The following ATIC variants were observed in gnomAD, a reference collection of about 807,000 sequenced individuals.
ATIC encodes bifunctional purine biosynthesis protein ATIC.
Under a neutral mutation model 72.5 loss-of-function variants are expected in ATIC, and 64 were observed. That is an observed-to-expected ratio of 0.88 (90% CI 0.72 to 1.09). The LOEUF (loss-of-function observed/expected upper bound fraction) is 1.09, where lower values mean the gene tolerates loss of function less well. ATIC is among the 50% of genes least tolerant of loss of function. The pLI, the probability that ATIC is intolerant of heterozygous loss-of-function variation, is 0.00. For missense variants in ATIC, 787 were observed against 732.4 expected (o/e 1.07, Z -0.86); for synonymous variants, 281 against 267.1 (o/e 1.05, Z -0.51).
chr2:215,365,478 C>T, the ATIC span: 1 of 1,611,254 alleles, frequency 6.2e-7, no homozygotes, highest in East Asian at 2.2e-5. Flanking sequence ...CTTAATAAGG[C>T]ACTAAAAATG....
At chr2:215,351,307 G>T (rs1167924009), downstream of ATIC, among the ~76,000 whole-genome samples, 1 of 152,202 alleles carries the variant, frequency 6.6e-6, no homozygotes, top group Non-Finnish European at 1.5e-5. Flanking sequence ...TTGAATTCCT[G>T]ACCCACAGAT....
the ATIC span, among the ~76,000 whole-genome samples, chr2:215,357,794 A>G: frequency 6.6e-6 from 1 of 151,568 alleles, no homozygotes; most frequent in African/African-American, 2.4e-5. Flanking sequence ...CTGCTTTATC[A>G]GCCTTAATGG....
At chr2:215,350,936 A>G (rs1036749930), downstream of ATIC, among the ~76,000 whole-genome samples, 1 of 152,166 alleles carries the variant, frequency 6.6e-6, no homozygotes, top group African/African-American at 2.4e-5. Context: ...CTTAATGGTC[A>G]TCTTTCTAAG....
the ATIC span, among the ~76,000 whole-genome samples, chr2:215,355,585 C>G: frequency 4.6e-5 from 7 of 152,152 alleles, no homozygotes; most frequent in African/African-American, 7.2e-5. Flanking sequence ...TCTTTAAGCT[C>G]GCAGTGCTTT....
At chr2:215,352,708 C>T (rs1385003349), downstream of ATIC, among the ~76,000 whole-genome samples, 1 of 152,078 alleles carries the variant, frequency 6.6e-6, no homozygotes, top group Non-Finnish European at 1.5e-5. Context: ...ACCTTTAGAT[C>T]TCTCCCAATG....
Position 215,318,177 on chromosome 2 carries a change from G to A in ATIC, c.167G>A (p.Gly56Glu). The A allele has an allele frequency of 4.3e-6, 7 of 1,614,112 alleles. No individual in the cohort carries two copies. Among genetic ancestry groups the A allele is most frequent in the African/African-American group, 1.3e-5 (1 of 75,048 alleles). The part of the protein sequence containing the change: ...LAVRDVSELT[G>E]FPEMLGGRVK... ...TTCAGAGATGTCTCTGAGTTGACGGGATTTCCTGAAATGTTGGGGGGACGT... is the reference window on the plus strand; with the variant it reads ...TTCAGAGATGTCTCTGAGTTGACGGAATTTCCTGAAATGTTGGGGGGACGT... Residue 56 changes from glycine to glutamate, a missense_variant, in exon 3 of 16, where the codon GGA (glycine) becomes GAA (glutamate). By Grantham distance (98) the Gly-to-Glu change is moderately conservative. Transcript: ENST00000236959.
At chr2:215,364,841 T>C in the ATIC span, 1 of 1,398,266 alleles carries the variant, frequency 7.2e-7, no homozygotes, top group Non-Finnish European at 9.9e-7. Flanking sequence ...CCCTTTATCT[T>C]ATCTAACTTG....
chr2:215,317,889 T>C (rs948758306), intron 2 of ATIC, among the ~76,000 whole-genome samples: 20 of 152,306 alleles, frequency 1.3e-4, no homozygotes, highest in African/African-American at 2.6e-4. Context: ...TTCTAAATGC[T>C]CTGAAAATTA....
At chr2:215,340,004 T>G (rs1180617085) in intron 12 of ATIC, among the ~76,000 whole-genome samples, 1 of 151,954 alleles carries the variant, frequency 6.6e-6, no homozygotes, top group African/African-American at 2.4e-5. Context: ...TTGAATGTTT[T>G]TATTCCTTTG....
chr2:215,324,466 C>T (rs2052801077), intron 4 of ATIC, among the ~76,000 whole-genome samples: 1 of 152,132 alleles, frequency 6.6e-6, no homozygotes, highest in Non-Finnish European at 1.5e-5. Context: ...CTAAGAGATA[C>T]TGGTCTCTAG....
At chr2:215,343,628 G>A (rs2053042694) in intron 12 of ATIC, among the ~76,000 whole-genome samples, 2 of 152,136 alleles carry the variant, frequency 1.3e-5, no homozygotes, top group Admixed American at 6.5e-5. Context: ...GTGCCACTGC[G>A]CCTGTCCTGT....
At chr2:215,324,601 A>T (rs2052802417) in intron 4 of ATIC, among the ~76,000 whole-genome samples, 1 of 152,074 alleles carries the variant, frequency 6.6e-6, no homozygotes. Flanking sequence ...ATTAGTTTTC[A>T]GCAGTTAGGC....
chr2:215,315,780 A>C (rs1434506238), intron 2 of ATIC, among the ~76,000 whole-genome samples: 1 of 151,820 alleles, frequency 6.6e-6, no homozygotes, highest in African/African-American at 2.4e-5. Context: ...GTGCAACTCC[A>C]TCTCTGCTAA....
At chr2:215,363,994 G>C in the ATIC span, among the ~76,000 whole-genome samples, 1 of 152,172 alleles carries the variant, frequency 6.6e-6, no homozygotes, top group Non-Finnish European at 1.5e-5. Context: ...ATCCCAGGGG[G>C]TGTGTCTCTC....
chr2:215,333,625 A>C (rs2052920042), intron 9 of ATIC, among the ~76,000 whole-genome samples, 168 bp downstream of exon 9: 2 of 152,180 alleles, frequency 1.3e-5, no homozygotes, highest in South Asian at 4.1e-4. Context: ...ATTCTATATA[A>C]TATAGTTTGA....
rs898916901 is a variant in ATIC at position 215,332,490 on chromosome 2, A to T, written c.797A>T (p.Lys266Ile). The change falls in exon 8 of 16, where the codon AAA becomes ATA. Residue 266 changes from lysine (K) to isoleucine (I), a missense_variant. Physicochemically the swap from Lys to Ile is moderately radical, Grantham distance 102. Transcript: ENST00000236959. ...GGTATTCCAGCCGCTGCCTCTTTCAAACATGTCAGCCCAGCAGGTAAAGCT... is the reference window on the plus strand; with the variant it reads ...GGTATTCCAGCCGCTGCCTCTTTCATACATGTCAGCCCAGCAGGTAAAGCT... ...ALGIPAAASF[K>I]HVSPAGAAVG... is the part of the protein sequence containing the mutation. 1 of 1,614,116 alleles carries T rather than the reference A, an allele frequency of 6.2e-7. No homozygotes were observed. The highest frequency in any genetic ancestry group is 8.5e-7 in the Non-Finnish European group (1 of 1,180,026).
rs150994921 is a variant in ATIC, at chr2:215,325,330, G to C, written c.379+1G>C. ...GAGGCTGTGGAGCAAATTGACATTGGTAAGTCAGAAAAACCATTTTAGAAG... is the reference window on the plus strand; with the variant it reads ...GAGGCTGTGGAGCAAATTGACATTGCTAAGTCAGAAAAACCATTTTAGAAG... On this transcript the variant is annotated splice_donor_variant, in intron 5 of 15. Coordinates refer to ENST00000236959, the MANE Select transcript of ATIC (RefSeq NM_004044.7). LOFTEE classifies it high-confidence loss of function. The C allele has an allele frequency of 1.2e-6, 2 of 1,610,984 alleles. No homozygotes were observed. Among genetic ancestry groups the C allele is most frequent in the Non-Finnish European group, 1.7e-6 (2 of 1,177,350 alleles).
Position 215,349,205 on chromosome 2 carries a change from G to A in ATIC, c.1615G>A (p.Asp539Asn), listed in dbSNP as rs758893605. The A allele has an allele frequency of 2.5e-6, 4 of 1,614,162 alleles. No homozygotes were observed. Among genetic ancestry groups the A allele is most frequent in the Non-Finnish European group, 3.4e-6 (4 of 1,180,030 alleles). The change falls in exon 15 of 16, where the codon GAT becomes AAT. Residue 539 changes from aspartate (D) to asparagine (N), a missense_variant. By Grantham distance (23) the Asp-to-Asn change is conservative (BLOSUM62 1). Transcript: ENST00000236959. ...ACTGACTGAAGTTTCTATCAGCTCTGATGCCTTCTTCCCTTTCCGAGATAA... is the reference window on the plus strand; with the variant it reads ...ACTGACTGAAGTTTCTATCAGCTCTAATGCCTTCTTCCCTTTCCGAGATAA... ...EKLTEVSISS[D>N]AFFPFRDNVD...
chr2:215,323,860 G>A (rs777938127), intron 4 of ATIC, among the ~76,000 whole-genome samples: 1 of 152,112 alleles, frequency 6.6e-6, no homozygotes, highest in Non-Finnish European at 1.5e-5. Flanking sequence ...TGTGACCTCC[G>A]CCTCCCGGGT....
Sources: gnomAD v4.1 joint callset for allele counts (sites outside exome capture counted in the v4.1 genomes callset) on GRCh38, gnomAD v4.1.1 for gene constraint, MANE v1.5 for transcripts, NCBI Gene and HGNC (gene_info 2026-07-23, HGNC 2026-07-21) for gene names.